Variants in FARP1 observed in about 807,000 individuals in gnomAD.
FARP1 encodes FERM, ARHGEF and pleckstrin domain-containing protein 1.
A neutral mutation model predicts 128.8 loss-of-function variants in FARP1; 52 were observed. That is an observed-to-expected ratio of 0.40 (90% CI 0.32 to 0.51). The LOEUF is 0.51. Ranked by LOEUF, FARP1 falls within the 20% of genes least tolerant of loss-of-function variation. FARP1 has a pLI of 0.45. For missense variants in FARP1, 1,333 were observed against 1,367.9 expected (o/e 0.97, Z 0.40); for synonymous variants, 580 against 551.8 (o/e 1.05, Z -0.72).
At chr13:98,353,491 G>A (rs1594436631) in intron 3 of FARP1, among the ~76,000 whole-genome samples, 1 of 152,152 alleles carries the variant, frequency 6.6e-6, no homozygotes, top group African/African-American at 2.4e-5. Context: ...TGATCCTCCT[G>A]TCTCAGCCTC....
intron 8 of FARP1, among the ~76,000 whole-genome samples, chr13:98,386,743 G>T (rs1319085303): frequency 4.6e-5 from 7 of 151,848 alleles, no homozygotes; most frequent in African/African-American, 1.7e-4. Flanking sequence ...TTGTAAATAT[G>T]TTCAGGACCT....
At chr13:98,206,934 T>C (rs182257149) in intron 1 of FARP1, among the ~76,000 whole-genome samples, 7 of 152,316 alleles carry the variant, frequency 4.6e-5, no homozygotes, top group Admixed American at 2.6e-4. Flanking sequence ...TGGAGATAAA[T>C]TCAGAATAGA....
intron 1 of FARP1, chr13:98,204,318 T>A (rs2139283821): frequency 6.6e-6 from 1 of 152,384 alleles, no homozygotes; most frequent in Non-Finnish European, 1.5e-5. Context: ...ATGTTGAACA[T>A]CTTTTCATGT....
intron 2 of FARP1, among the ~76,000 whole-genome samples, chr13:98,342,739 A>G (rs1432263445): frequency 6.6e-6 from 1 of 151,092 alleles, no homozygotes; most frequent in African/African-American, 2.4e-5. Flanking sequence ...AAAGACATGG[A>G]AGGGGCAGGG....
At chr13:98,256,824 T>G (rs1883609601) in intron 2 of FARP1, among the ~76,000 whole-genome samples, 1 of 148,108 alleles carries the variant, frequency 6.8e-6, no homozygotes, top group Non-Finnish European at 1.5e-5. Context: ...CCTCCCAAAG[T>G]GCTGGGATTA....
At position 98,365,393 on chromosome 13, in the gene FARP1, A is replaced by G. The variant is rs1170122428; in HGVS notation, c.277-2A>G. Reference sequence around the variant, plus strand: ...CTTAATCTGTTCTTTTTTCCCTTCTAGGTGTGGCTGGATCTCCTAAAACCC... The same window carrying G: ...CTTAATCTGTTCTTTTTTCCCTTCTGGGTGTGGCTGGATCTCCTAAAACCC... On this transcript the variant is annotated splice_acceptor_variant, in intron 3 of 26. Coordinates refer to ENST00000319562, the MANE Select transcript of FARP1 (RefSeq NM_005766.4). LOFTEE classifies it high-confidence loss of function. 1 of 1,607,410 alleles carries G rather than the reference A, an allele frequency of 6.2e-7. No homozygotes were observed. The highest frequency in any genetic ancestry group is 1.1e-5 in the South Asian group (1 of 90,906).
At chr13:98,224,648 C>G (rs1405427389) in intron 2 of FARP1, among the ~76,000 whole-genome samples, 1 of 152,074 alleles carries the variant, frequency 6.6e-6, no homozygotes, top group East Asian at 1.9e-4. Context: ...ACTACCCATC[C>G]CTTGCCAGGG....
intron 2 of FARP1, among the ~76,000 whole-genome samples, chr13:98,260,280 C>G (rs1427348181): frequency 4.6e-5 from 7 of 152,172 alleles, no homozygotes; most frequent in Admixed American, 2.0e-4. Context: ...TAACCCATTG[C>G]TCATCTGACT....
intron 18 of FARP1, 181 bp downstream of exon 18, chr13:98,431,461 A>ATTT (rs34662991): frequency 8.1e-4 from 276 of 339,384 alleles, no homozygotes; most frequent in South Asian, 1.3e-3. Flanking sequence ...TTACATCTTG[A>ATTT]TTTTTTTTTT....
At chr13:98,414,428 G>A (rs1452750864) in intron 16 of FARP1, among the ~76,000 whole-genome samples, 1 of 152,230 alleles carries the variant, frequency 6.6e-6, no homozygotes, top group Non-Finnish European at 1.5e-5. Context: ...TCAAGAACAT[G>A]ATGAGGAGGA....
chr13:98,260,955 A>T (rs1883849976), intron 2 of FARP1, among the ~76,000 whole-genome samples: 1 of 152,170 alleles, frequency 6.6e-6, no homozygotes, highest in South Asian at 2.1e-4. Flanking sequence ...AGGAAGGGAC[A>T]TTGGGAGACT....
intron 1 of FARP1, chr13:98,177,042 C>G (rs748995054): frequency 5.0e-6 from 8 of 1,594,048 alleles, no homozygotes; most frequent in Non-Finnish European, 6.8e-6. Context: ...GGCCCCGGGG[C>G]CTCGGTGCCA....
At chr13:98,415,449 GTGAA>G (rs922974340) in intron 16 of FARP1, among the ~76,000 whole-genome samples, 11 of 112,148 alleles carry the variant, frequency 9.8e-5, no homozygotes, top group East Asian at 7.8e-4. Context: ...GAATGAATGA[GTGAA>G]TGAATGAATG....
At chr13:98,205,586 G>T (rs1337395617) in intron 1 of FARP1, among the ~76,000 whole-genome samples, 1 of 152,044 alleles carries the variant, frequency 6.6e-6, no homozygotes, top group Admixed American at 6.6e-5. Flanking sequence ...GTAGAGACGG[G>T]GTTTCACTGT....
At chr13:98,349,863 C>A (rs1416353135) in intron 3 of FARP1, among the ~76,000 whole-genome samples, 1 of 152,072 alleles carries the variant, frequency 6.6e-6, no homozygotes, top group Non-Finnish European at 1.5e-5. Context: ...GGCAGGAGGT[C>A]ATGGAAACTG....
intron 2 of FARP1, among the ~76,000 whole-genome samples, chr13:98,266,625 A>T (rs1481165560): frequency 6.6e-6 from 1 of 152,214 alleles, no homozygotes; most frequent in East Asian, 1.9e-4. Flanking sequence ...ACCAGTTCCT[A>T]AAATTTCCAT....
chr13:98,434,368 A>G (rs977484451), intron 18 of FARP1: 2 of 152,230 alleles, frequency 1.3e-5, no homozygotes, highest in African/African-American at 4.8e-5. Flanking sequence ...ATTTGTCACT[A>G]TGGCTGAGAC....
At position 98,429,616 on chromosome 13, in the gene FARP1, G is replaced by A. The variant is rs561454422; in HGVS notation, c.1906-1427G>A. 3.9e-5 allele frequency among the ~76,000 whole-genome samples: 6 copies of A among 152,322 alleles called. No homozygotes were observed. In the South Asian group the frequency reaches 1.2e-3, roughly 32 times the overall value. Reference sequence around the variant, plus strand: ...CCAGGTTTTAATGTCGTGAGTACCTGGCTGGTGGTGGTACCCATCCTGAAG... The same window carrying A: ...CCAGGTTTTAATGTCGTGAGTACCTAGCTGGTGGTGGTACCCATCCTGAAG... On this transcript the variant is annotated intron_variant, in intron 17 of 26. Coordinates refer to ENST00000319562, the MANE Select transcript of FARP1 (RefSeq NM_005766.4).
chr13:98,217,895 G>A (rs1262435681), intron 2 of FARP1, among the ~76,000 whole-genome samples: 1 of 152,206 alleles, frequency 6.6e-6, no homozygotes, highest in Non-Finnish European at 1.5e-5. Context: ...CTATACGAGA[G>A]TTGGTGCTGT....
Sources: allele counts gnomAD v4.1 joint callset (sites outside exome capture counted in the v4.1 genomes callset), GRCh38; gene constraint gnomAD v4.1.1; transcripts MANE v1.5; gene names NCBI Gene and HGNC (gene_info 2026-07-23, HGNC 2026-07-21).